Variants in WNK2 observed in about 807,000 individuals in gnomAD.
The protein encoded by WNK2 is WNK lysine deficient protein kinase 2, also known as serine/threonine-protein kinase WNK2.
WNK2 carries 67 observed loss-of-function variants against 192.1 expected under a neutral mutation model. The ratio of observed to expected loss-of-function variants is 0.35; its 90% CI spans 0.29 to 0.43. The LOEUF (loss-of-function observed/expected upper bound fraction) is 0.43, where lower values mean the gene tolerates loss of function less well. Among genes scored for constraint, WNK2 ranks in the 20% least tolerant of loss-of-function variants. The pLI, the probability that WNK2 is intolerant of heterozygous loss-of-function variation, is 1.00. For missense variants in WNK2, 2,698 were observed against 3,089.7 expected (o/e 0.87, Z 3.01); for synonymous variants, 1,439 against 1,393.9 (o/e 1.03, Z -0.72).
intron 11 of WNK2, among the ~76,000 whole-genome samples, chr9:93,258,629 G>A (rs1047644531): frequency 2.6e-5 from 4 of 152,172 alleles, no homozygotes; most frequent in African/African-American, 9.7e-5. Context: ...GCTGTCGTGA[G>A]TGTGGACACA....
At chr9:93,260,279 G>C (rs1844015673) in intron 12 of WNK2, among the ~76,000 whole-genome samples, 1 of 152,162 alleles carries the variant, frequency 6.6e-6, no homozygotes, top group South Asian at 2.1e-4. Context: ...GGGGCTTGCA[G>C]ACTATTCTGT....
intron 29 of WNK2, chr9:93,319,229 T>G: frequency 1.9e-6 from 3 of 1,606,876 alleles, no homozygotes; most frequent in Non-Finnish European, 2.6e-6. Flanking sequence ...CAACATCTTT[T>G]TCTTACCCTC....
chr9:93,279,484 T>TA (rs1447254334), intron 19 of WNK2, among the ~76,000 whole-genome samples: 1 of 152,302 alleles, frequency 6.6e-6, no homozygotes, highest in African/African-American at 2.4e-5. Flanking sequence ...ACAGTATTGT[T>TA]ACAGTGCTAA....
chr9:93,252,842 T>G lies in WNK2; in HGVS notation c.1835-41T>G, dbSNP rs1468539377. The G allele has an allele frequency of 5.9e-6, 8 of 1,351,372 alleles. No individual in the cohort carries two copies. In the South Asian group the frequency reaches 9.2e-5, roughly 16 times the overall value. The allele number at this position is 1,351,372 out of a possible 1,614,324, so 83.7% of individuals were successfully genotyped here. ...GAGCCAATGTTTGTTCATGTGACATTTGGAGATGTCCACTCTAAGTCCTGC... is the reference window on the plus strand; with the variant it reads ...GAGCCAATGTTTGTTCATGTGACATGTGGAGATGTCCACTCTAAGTCCTGC... On this transcript the variant is annotated intron_variant, in intron 8 of 29. Coordinates refer to ENST00000427277, the MANE Select transcript of WNK2 (RefSeq NM_006648.4).
chr9:93,312,339 G>C (rs192835856), intron 28 of WNK2, among the ~76,000 whole-genome samples: 6 of 151,932 alleles, frequency 3.9e-5, no homozygotes, highest in Non-Finnish European at 7.4e-5. Context: ...TCTGGTTTTC[G>C]CTTTCACATT....
intron 2 of WNK2, among the ~76,000 whole-genome samples, chr9:93,197,250 G>A (rs1329650381): frequency 1.3e-5 from 2 of 152,176 alleles, no homozygotes; most frequent in African/African-American, 2.4e-5. Context: ...TGATAGGAAC[G>A]AGGATGCTCC....
In WNK2 at chr9:93,261,833, C is replaced by A. The variant is rs779167661; in HGVS notation, c.3086C>A (p.Ala1029Asp). The A allele has an allele frequency of 3.1e-6, 5 of 1,592,300 alleles. No homozygotes were observed. The highest frequency in any genetic ancestry group is 1.1e-5 in the South Asian group (1 of 90,892). The change falls in exon 13 of 30, where the codon GCT (alanine) becomes GAT (aspartate). Residue 1029 changes from alanine to aspartate, a missense_variant. Around this residue, in one of 7 missense-constraint regions of WNK2, gnomAD observed 893 missense variants for 909.0 expected, o/e 0.98. Coordinates refer to ENST00000427277, the MANE Select transcript of WNK2 (RefSeq NM_006648.4). ...CCCCAGATTCTGCTTGGCCACCCAG[C>A]TCCCTATGCTGTGGACGTCGCCGCT... ...PGSQILLGHPAPYAVDVAAQV... is the reference protein window; with the variant it reads ...PGSQILLGHPDPYAVDVAAQV...
At chr9:93,315,375 A>G (rs1468750442) in intron 28 of WNK2, 3 of 152,220 alleles carry the variant, frequency 2.0e-5, no homozygotes, top group Admixed American at 1.3e-4. Flanking sequence ...TACGGCTCAG[A>G]CCAGATGAGT....
At chr9:93,264,253 C>T (rs2133066500) in intron 16 of WNK2, among the ~76,000 whole-genome samples, 1 of 152,294 alleles carries the variant, frequency 6.6e-6, no homozygotes, top group South Asian at 2.1e-4. Context: ...ATGTTCTAAC[C>T]ATTCTAAGAT....
intron 28 of WNK2, among the ~76,000 whole-genome samples, chr9:93,310,985 A>G (rs562076890): frequency 6.6e-6 from 1 of 152,236 alleles, no homozygotes; most frequent in South Asian, 2.1e-4. Context: ...AATTCAGAAT[A>G]CTGTGCAGCC....
rs144430784 is a variant in WNK2 at position 93,269,008 on chromosome 9, G to A, written c.4033+262G>A. On this transcript the variant is annotated intron_variant, in intron 19 of 29. Coordinates refer to ENST00000427277, the MANE Select transcript of WNK2 (RefSeq NM_006648.4). The stretch of plus-strand genomic sequence containing the variant: ...GTGGCTCGCATGGCCATATAGGTGT[G>A]TGTTGAAGAGCTCCGCTGTCCTTCC... The A allele has an allele frequency of 1.2e-4, 173 of 1,443,030 alleles. 1 individual carries two copies. In the African/African-American group the frequency reaches 2.3e-3, roughly 19 times the overall value. The allele number at this position is 1,443,030 out of a possible 1,614,324, so 89.4% of individuals were successfully genotyped here.
At chr9:93,263,455 C>T in intron 14 of WNK2, 111 bp from the exon 15 acceptor site, 7 of 1,396,618 alleles carry the variant, frequency 5.0e-6, no homozygotes, top group Non-Finnish European at 6.9e-6. Context: ...CTGTAGGTCA[C>T]AGATTTGGGC....
chr9:93,251,649 G>A (rs1588186515), intron 8 of WNK2, among the ~76,000 whole-genome samples: 2 of 152,324 alleles, frequency 1.3e-5, no homozygotes, highest in Admixed American at 6.5e-5. Flanking sequence ...GGTCAAGGCT[G>A]TAGTGAGCCG....
chr9:93,214,596 G>A (rs1158924249), intron 2 of WNK2, among the ~76,000 whole-genome samples: 3 of 151,602 alleles, frequency 2.0e-5, no homozygotes, highest in East Asian at 1.9e-4. Context: ...GAGCCACCAC[G>A]CCTGGCCTCT....
chr9:93,251,067 A>G (rs1340742738), intron 8 of WNK2, among the ~76,000 whole-genome samples: 1 of 152,048 alleles, frequency 6.6e-6, no homozygotes. Context: ...GATTACAGGC[A>G]TGAGCCACTG....
intron 2 of WNK2, among the ~76,000 whole-genome samples, chr9:93,195,438 C>T (rs1831064724): frequency 6.6e-6 from 1 of 152,102 alleles, no homozygotes; most frequent in Non-Finnish European, 1.5e-5. Context: ...GTGGCTCACA[C>T]CTATAATCCC....
intron 5 of WNK2, 98 bp downstream of exon 5, chr9:93,235,063 CA>C: frequency 6.8e-7 from 1 of 1,462,680 alleles, no homozygotes; most frequent in Non-Finnish European, 9.3e-7. Context: ...GCCATCCTGG[CA>C]GCTGTGTAAG....
chr9:93,291,376 G>A (rs1438964164), intron 21 of WNK2, among the ~76,000 whole-genome samples: 5 of 152,136 alleles, frequency 3.3e-5, no homozygotes, highest in Non-Finnish European at 5.9e-5. Flanking sequence ...ACTCATGGGG[G>A]AAGCTCCAAG....
intron 9 of WNK2, among the ~76,000 whole-genome samples, chr9:93,253,518 TC>T (rs899198164): frequency 6.6e-6 from 1 of 151,986 alleles, no homozygotes; most frequent in Non-Finnish European, 1.5e-5. Context: ...CCCAGACTGT[TC>T]CATAGATCAC....
Sources: gnomAD v4.1 joint callset for allele counts (sites outside exome capture counted in the v4.1 genomes callset) on GRCh38, gnomAD v4.1.1 for gene constraint, gnomAD v4.1.1 regional missense constraint, MANE v1.5 for transcripts, NCBI Gene and HGNC (gene_info 2026-07-23, HGNC 2026-07-21) for gene names.